The following AGRN variants were observed in gnomAD, a reference collection of about 807,000 sequenced individuals.
AGRN encodes agrin proteoglycan.
Under a neutral mutation model 211.0 loss-of-function variants are expected in AGRN, and 106 were observed. The ratio of observed to expected loss-of-function variants is 0.50; its 90% CI spans 0.43 to 0.59. The LOEUF is 0.59. Ranked by LOEUF, AGRN falls within the 20% of genes least tolerant of loss-of-function variation. The pLI, the probability that AGRN is intolerant of heterozygous loss-of-function variation, is 0.00. For missense variants in AGRN, 3,040 were observed against 2,982.6 expected (o/e 1.02, Z -0.45); for synonymous variants, 1,525 against 1,332.5 (o/e 1.14, Z -3.15).
intron 7 of AGRN, 117 bp from the exon 8 acceptor site, chr1:1,043,122 G>A (rs1479056760): frequency 3.4e-6 from 4 of 1,180,298 alleles, no homozygotes; most frequent in Admixed American, 4.0e-5. Context: ...CTTCTCCTGT[G>A]TTCTCTCTTC....
Position 1,031,026 on chromosome 1 carries a change from G to A in AGRN, c.464-4251G>A, listed in dbSNP as rs1644661368. On this transcript the variant is annotated intron_variant, in intron 2 of 35. Transcript: ENST00000379370. The surrounding 1 kb of genome is among the most constrained non-coding windows in gnomAD (Gnocchi z 4.8). ...TGAGATCAGCATGTGTGTGTGCAGTGCATGGTGCTGTGAGTGTATCAGCAT... is the reference window on the plus strand; with the variant it reads ...TGAGATCAGCATGTGTGTGTGCAGTACATGGTGCTGTGAGTGTATCAGCAT... Among the ~76,000 whole-genome samples the A allele has an allele frequency of 7.5e-6, 1 of 134,088 alleles. No homozygotes were observed. Among genetic ancestry groups the A allele is most frequent in the African/African-American group, 2.8e-5 (1 of 35,706 alleles). The allele number at this position is 134,088 out of a possible 152,430, so 88.0% of individuals were successfully genotyped here. A position where few individuals can be genotyped will look rare whatever the true frequency, so the allele number is the denominator to read the frequency against.
chr1:1,045,207 C>T lies in AGRN; in HGVS notation c.2301C>T (p.Ala767=). The T allele has an allele frequency of 6.2e-7, 1 of 1,612,724 alleles. No homozygotes were observed. The highest frequency in any genetic ancestry group is 1.3e-5 in the African/African-American group (1 of 75,050). ...PLPPVAPLHC[A]QTPYGCCQDN... is the part of the protein sequence containing the mutation. ...CGCCTGTGGCCCCCTTACACTGTGC[C>T]CAGACGCCCTACGGCTGCTGCCAGG... Residue 767 remains alanine (A), a synonymous_variant, in exon 13 of 36, where the codon GCC becomes GCT. Coordinates refer to ENST00000379370, the MANE Select transcript of AGRN (RefSeq NM_198576.4).
Position 1,054,944 on chromosome 1 carries a change from T to C in AGRN, c.6101T>C (p.Val2034Ala). The change falls in exon 36 of 36, where the codon GTC becomes GCC. Residue 2034 changes from valine to alanine, a missense_variant. Physicochemically the swap from Val to Ala is moderately conservative, Grantham distance 64 (BLOSUM62 0). Coordinates refer to ENST00000379370, the MANE Select transcript of AGRN (RefSeq NM_198576.4). ...RHPLHLLEDA[V>A]TKPELRPCPT... ...CCGCTGCACCTGCTGGAGGACGCCG[T>C]CACCAAGCCAGAGCTGCGGCCCTGC... is the stretch of plus-strand genomic sequence containing the variant. The C allele has an allele frequency of 2.6e-6, 4 of 1,549,060 alleles. No individual in the cohort carries two copies. Among genetic ancestry groups the C allele is most frequent in the Non-Finnish European group, 3.5e-6 (4 of 1,147,186 alleles).
intron 35 of AGRN, 57 bp downstream of exon 35, chr1:1,054,608 G>C: frequency 6.5e-7 from 1 of 1,541,692 alleles, no homozygotes; most frequent in South Asian, 1.2e-5. Flanking sequence ...ATATCCGAGG[G>C]ACAGACTCCA....
At chr1:1,053,572 C>G in intron 33 of AGRN, 181 bp from the exon 34 acceptor site, 1 of 1,516,348 alleles carries the variant, frequency 6.6e-7, no homozygotes, top group Non-Finnish European at 8.9e-7. Flanking sequence ...TCTCTCTCTG[C>G]CAGGCTGCCC....
chr1:1,052,833 G>C (rs953657067), intron 33 of AGRN: 1 of 155,554 alleles, frequency 6.4e-6, no homozygotes, highest in Non-Finnish European at 1.4e-5. Flanking sequence ...GTGTGTGTCC[G>C]AGTGTGTGTC....
chr1:1,022,550 C>T (rs2100564260), intron 2 of AGRN, 88 bp downstream of exon 2: 3 of 1,459,590 alleles, frequency 2.1e-6, no homozygotes, highest in East Asian at 2.3e-5. Context: ...GTGCGGGGTC[C>T]TTTCGTGCTG....
Position 1,040,838 on chromosome 1 carries a change from A to AGCCAGCAGCGCC in AGRN, c.688_699dup (p.Gln230_Arg233dup). The AGCCAGCAGCGCC allele has an allele frequency of 6.5e-7, 1 of 1,534,126 alleles. No homozygotes were observed. Among genetic ancestry groups the AGCCAGCAGCGCC allele is most frequent in the African/African-American group, 1.4e-5 (1 of 72,372 alleles). ...ATGCGAGCTGCAGCGGGCGCAGTGC[A>AGCCAGCAGCGCC]GCCAGCAGCGCCGCATCCGCCTGCT... On this transcript the variant is annotated inframe_insertion, in exon 4 of 36. Coordinates refer to ENST00000379370, the MANE Select transcript of AGRN (RefSeq NM_198576.4).
In AGRN at chr1:1,046,479, GGCCCCCCCCGGC is replaced by G. The variant is rs1557710551; in HGVS notation, c.2999_3010del (p.Pro1000_Ala1003del). ...GGCTCCTCCTGAGCCAGGCACTGCC[GGCCCCCCCCGGC>G]GCCCTCCCCCTGGCTCCCAGCAGTA... On this transcript the variant is annotated inframe_deletion, in exon 18 of 36. Transcript: ENST00000379370. The G allele has an allele frequency of 6.2e-7, 1 of 1,611,162 alleles. No homozygotes were observed. Among genetic ancestry groups the G allele is most frequent in the Non-Finnish European group, 8.5e-7 (1 of 1,179,148 alleles).
intron 2 of AGRN, chr1:1,034,888 A>C (rs1264724324): frequency 1.1e-5 from 4 of 361,450 alleles, no homozygotes; most frequent in African/African-American, 2.1e-5. Flanking sequence ...CCTGGCCCTC[A>C]CCCAAAGCTG....
At chr1:1,053,465 G>T in intron 33 of AGRN, 1 of 1,479,020 alleles carries the variant, frequency 6.8e-7, no homozygotes. Context: ...TCTAAGCCCC[G>T]AAACTCTGGA....
In AGRN at chr1:1,048,489, G is replaced by C. The variant is rs369468217; in HGVS notation, c.4105+124G>C. 4.7e-6 allele frequency: 4 copies of C among 859,010 alleles called. No homozygotes were observed. The highest frequency in any genetic ancestry group is 6.9e-6 in the Non-Finnish European group (4 of 581,412). The allele number at this position is 859,010 out of a possible 1,614,324, so 53.2% of individuals were successfully genotyped here. On this transcript the variant is annotated intron_variant, in intron 23 of 35. Transcript: ENST00000379370. The surrounding 1 kb of genome is among the most constrained non-coding windows in gnomAD (Gnocchi z 5.9). ...GGAGCCCGGATTAAGGCGGGGTTTC[G>C]GCCAGATGCGGTGGCTCACGCCTGT... is the stretch of plus-strand genomic sequence containing the variant.
At chr1:1,026,942 C>CTG (rs1185386816) in intron 2 of AGRN, among the ~76,000 whole-genome samples, 3 of 152,228 alleles carry the variant, frequency 2.0e-5, no homozygotes, top group African/African-American at 7.2e-5. Context: ...GCCCCTCAGG[C>CTG]TGTGGCAAGA....
chr1:1,025,280 C>T lies in AGRN; in HGVS notation c.463+2818C>T, dbSNP rs1005205838. On this transcript the variant is annotated intron_variant, in intron 2 of 35. Transcript: ENST00000379370. ...GCCCGGGGTCCCGGCGGCCTAGTCC[C>T]GGGCCCGCCTGTATTCCGGCGTGTG... 9.2e-5 allele frequency among the ~76,000 whole-genome samples: 14 copies of T among 152,274 alleles called. No homozygotes were observed. In the East Asian group the frequency reaches 9.6e-4, roughly 10 times the overall value.
In AGRN at chr1:1,043,366, C is replaced by T. The variant is rs527601442; in HGVS notation, c.1512C>T (p.Ser504=). The T allele has an allele frequency of 1.9e-5, 31 of 1,609,970 alleles. No individual in the cohort carries two copies. Among genetic ancestry groups the T allele is most frequent in the South Asian group, 1.7e-4 (15 of 90,524 alleles). The change falls in exon 8 of 36, where the codon AGC becomes AGT. Residue 504 remains serine, a synonymous_variant. Coordinates refer to ENST00000379370, the MANE Select transcript of AGRN (RefSeq NM_198576.4). The part of the protein sequence containing the change: ...CSSLYDPVCG[S]DGVTYGSACE... ...GCCTCTACGATCCTGTGTGCGGCAG[C>T]GACGGCGTCACATACGGCAGCGCGT...
chr1:1,053,192 G>A (rs1472394066), intron 33 of AGRN: 2 of 314,790 alleles, frequency 6.4e-6, no homozygotes, highest in South Asian at 2.5e-5. Context: ...TCTGCACGTG[G>A]GTGTCTGCAC....
At chr1:1,025,241 T>A (rs899511995) in intron 2 of AGRN, among the ~76,000 whole-genome samples, 1 of 152,162 alleles carries the variant, frequency 6.6e-6, no homozygotes, top group African/African-American at 2.4e-5. Flanking sequence ...AGCCCGGCCC[T>A]GCCCAGCTCT....
chr1:1,050,751 G>A lies in AGRN; in HGVS notation c.5167G>A (p.Ala1723Thr), dbSNP rs1299884120. 26 of 1,603,504 alleles carry A rather than the reference G, an allele frequency of 1.6e-5. No homozygotes were observed. The East Asian group carries it at 5.8e-4, about 36-fold the overall frequency. Residue 1723 changes from alanine (A) to threonine (T), a missense_variant, in exon 30 of 36, where the codon GCC becomes ACC. Ala to Thr is a moderately conservative substitution (Grantham distance 58). Around this residue, in one of 3 missense-constraint regions of AGRN, gnomAD observed 1,537 missense variants for 1,505.0 expected, o/e 1.02. Transcript: ENST00000379370. ...GAGCAGGGAGCCAGTCACCCTGGGA[G>A]CCTGGACCAGGGTCTCACTGGAGCG... ...IRSREPVTLG[A>T]WTRVSLERNG...
chr1:1,054,320 G>C, intron 34 of AGRN, 128 bp from the exon 35 acceptor site: 1 of 880,388 alleles, frequency 1.1e-6, no homozygotes, highest in Non-Finnish European at 1.8e-6. Context: ...CTTGCCCCCA[G>C]GGGTGATACC....
Sources: allele counts gnomAD v4.1 joint callset (sites outside exome capture counted in the v4.1 genomes callset), GRCh38; gene constraint gnomAD v4.1.1; regional missense constraint gnomAD v4.1.1; non-coding constraint Gnocchi (gnomAD v3.1); transcripts MANE v1.5; gene names NCBI Gene and HGNC (gene_info 2026-07-23, HGNC 2026-07-21).